SLCO5A1: variants seen among roughly 807,000 people sequenced by gnomAD.
The protein encoded by SLCO5A1 is solute carrier organic anion transporter family member 5A1.
Under a neutral mutation model 65.1 loss-of-function variants are expected in SLCO5A1, and 39 were observed. The observed-to-expected ratio is 0.60, with a 90% confidence interval of 0.46 to 0.78. SLCO5A1 has a LOEUF of 0.78. Ranked by LOEUF, SLCO5A1 falls within the 30% of genes least tolerant of loss-of-function variation. The probability of loss-of-function intolerance (pLI) is 0.00; values close to 1 mark genes in which losing one functional copy is unlikely to be tolerated. For synonymous variants in SLCO5A1, 438 were observed against 415.7 expected, an observed-to-expected ratio of 1.05 and a Z score of -0.65; for missense variants, 1,029 against 1,069.4, an observed-to-expected ratio of 0.96 and a Z score of 0.53.
At chr8:69,783,647 A>G (rs542893201) in intron 2 of SLCO5A1, among the ~76,000 whole-genome samples, 2 of 152,242 alleles carry the variant, frequency 1.3e-5, no homozygotes, top group Admixed American at 6.5e-5. Flanking sequence ...TCTGGTTGTC[A>G]GATAATTGGA....
chr8:69,735,929 T>C (rs1331880386), intron 5 of SLCO5A1, among the ~76,000 whole-genome samples: 2 of 152,284 alleles, frequency 1.3e-5, no homozygotes, highest in East Asian at 1.9e-4. Context: ...TCTTAATCAA[T>C]CTTAATATCT....
chr8:69,747,767 C>T (rs780072153), intron 4 of SLCO5A1, among the ~76,000 whole-genome samples: 3 of 152,074 alleles, frequency 2.0e-5, no homozygotes, highest in South Asian at 2.1e-4. Flanking sequence ...CCTTCTGGTG[C>T]GTCAAAAAGC....
chr8:69,776,249 GTGAT>G (rs1818545848), intron 2 of SLCO5A1, among the ~76,000 whole-genome samples: 1 of 152,034 alleles, frequency 6.6e-6, no homozygotes, highest in Non-Finnish European at 1.5e-5. Context: ...TAATAATAAA[GTGAT>G]TGTTAACTAA....
At chr8:69,833,798 A>C (rs1179282177) in intron 1 of SLCO5A1, 1 of 152,212 alleles carries the variant, frequency 6.6e-6, no homozygotes, top group African/African-American at 2.4e-5. Context: ...TCCCAACACC[A>C]AAAATAACCC....
chr8:69,761,668 T>G (rs1334959230), intron 3 of SLCO5A1, 75 bp downstream of exon 3: 2 of 1,525,840 alleles, frequency 1.3e-6, no homozygotes, highest in East Asian at 2.3e-5. Context: ...TGGAAAAATT[T>G]TAAATACAAG....
intron 2 of SLCO5A1, among the ~76,000 whole-genome samples, chr8:69,772,716 C>T (rs138129730): frequency 5.9e-5 from 9 of 152,014 alleles, no homozygotes; most frequent in South Asian, 4.2e-4. Flanking sequence ...CCTCCCTGGA[C>T]GTGGGAAACT....
At chr8:69,724,615 C>T (rs186509314) in intron 5 of SLCO5A1, among the ~76,000 whole-genome samples, 4 of 152,254 alleles carry the variant, frequency 2.6e-5, no homozygotes, top group East Asian at 1.9e-4. Flanking sequence ...CATTGTGAGA[C>T]GGTTCAGCAA....
rs1016493288 is a variant in SLCO5A1, at chr8:69,761,738, C to G, written c.1040+5G>C. ...GAAATTTAAAAATTAGAAAACAGAA[C>G]TTACCAGTTTCCAATGAAACGAGGG... is the stretch of plus-strand genomic sequence containing the variant. On this transcript the variant is annotated splice_donor_5th_base_variant and intron_variant, in intron 3 of 9. Coordinates refer to ENST00000260126, the MANE Select transcript of SLCO5A1 (RefSeq NM_030958.3). The G allele has an allele frequency of 6.2e-7, 1 of 1,612,494 alleles. No homozygotes were observed. Among genetic ancestry groups the G allele is most frequent in the Non-Finnish European group, 8.5e-7 (1 of 1,179,706 alleles).
At chr8:69,825,254 C>A (rs576680252) in intron 2 of SLCO5A1, among the ~76,000 whole-genome samples, 3 of 152,262 alleles carry the variant, frequency 2.0e-5, no homozygotes, top group East Asian at 3.9e-4. Context: ...TCCTATTCAA[C>A]ATAGTGTTGG....
intron 2 of SLCO5A1, among the ~76,000 whole-genome samples, chr8:69,786,060 A>C (rs1819031592): frequency 6.6e-6 from 1 of 152,228 alleles, no homozygotes; most frequent in Non-Finnish European, 1.5e-5. Context: ...ATAGAGCATT[A>C]ATTCTGATGC....
chr8:69,682,825 CG>C (rs1813841642), intron 6 of SLCO5A1, among the ~76,000 whole-genome samples: 1 of 152,170 alleles, frequency 6.6e-6, no homozygotes, highest in African/African-American at 2.4e-5. Context: ...TACGTTCCTT[CG>C]ACCAAAAACT....
intron 6 of SLCO5A1, among the ~76,000 whole-genome samples, chr8:69,698,221 G>A (rs1452119843): frequency 6.6e-6 from 1 of 152,172 alleles, no homozygotes; most frequent in Non-Finnish European, 1.5e-5. Flanking sequence ...ATTTCGTGGT[G>A]TGTATATGCC....
At chr8:69,763,696 T>C (rs1037140646) in intron 2 of SLCO5A1, among the ~76,000 whole-genome samples, 3 of 151,110 alleles carry the variant, frequency 2.0e-5, no homozygotes, top group East Asian at 1.9e-4. Context: ...TTCCTTTAAT[T>C]TTTTATTTTT....
At chr8:69,752,023 G>C (rs947838214) in intron 4 of SLCO5A1, among the ~76,000 whole-genome samples, 1 of 152,184 alleles carries the variant, frequency 6.6e-6, no homozygotes, top group Non-Finnish European at 1.5e-5. Context: ...TTGGGTCCAG[G>C]AGTTCTAGAT....
At position 69,755,351 on chromosome 8, in the gene SLCO5A1, G is replaced by A. The variant is rs555907923; in HGVS notation, c.1258+73C>T. Reference sequence around the variant, plus strand: ...GCCACAGACAGTGGGTAGACAGCATGGGCCTGGGACCACACTATGAGTAGC... The same window carrying A: ...GCCACAGACAGTGGGTAGACAGCATAGGCCTGGGACCACACTATGAGTAGC... On this transcript the variant is annotated intron_variant, in intron 4 of 9. Transcript: ENST00000260126. 6 of 1,259,602 alleles carry A rather than the reference G, an allele frequency of 4.8e-6. No homozygotes were observed. In the African/African-American group the frequency reaches 7.4e-5, roughly 16 times the overall value. 78.0% of individuals were successfully genotyped at this position (1,259,602 alleles called of 1,614,324 possible). A position where few individuals can be genotyped will look rare whatever the true frequency, so the allele number is the denominator to read the frequency against.
chr8:69,684,311 G>A (rs1813918216), intron 6 of SLCO5A1, among the ~76,000 whole-genome samples: 2 of 152,150 alleles, frequency 1.3e-5, no homozygotes, highest in Non-Finnish European at 2.9e-5. Flanking sequence ...GGCATCTAAT[G>A]GGCCAGTAGT....
chr8:69,832,076 C>T lies in SLCO5A1; in HGVS notation c.598G>A (p.Val200Met), dbSNP rs770056180. Residue 200 changes from valine (V) to methionine (M), a missense_variant, in exon 2 of 10, where the codon GTG becomes ATG. Transcript: ENST00000260126. This position sits in a 1 kb window ranked among gnomAD's most constrained non-coding sequence, Gnocchi z 4.5. ...CCGAAGGCGATGAGGAGTCCACCCA[C>T]GGCCAGCCACAGGGGCCGCCGACCC... is the stretch of plus-strand genomic sequence containing the variant. ...GRGRRPLWLAVGGLLIAFGAA... is the reference protein window; with the variant it reads ...GRGRRPLWLAMGGLLIAFGAA... The T allele has an allele frequency of 6.2e-6, 10 of 1,613,464 alleles. No individual in the cohort carries two copies. The highest frequency in any genetic ancestry group is 8.5e-6 in the Non-Finnish European group (10 of 1,179,932).
chr8:69,820,657 C>T (rs1820592880), intron 2 of SLCO5A1, among the ~76,000 whole-genome samples: 1 of 151,654 alleles, frequency 6.6e-6, no homozygotes, highest in Non-Finnish European at 1.5e-5. Context: ...CATAATGAGA[C>T]CATGTCTCTA....
chr8:69,733,900 C>T (rs1427227660), intron 5 of SLCO5A1, among the ~76,000 whole-genome samples: 1 of 152,158 alleles, frequency 6.6e-6, no homozygotes, highest in African/African-American at 2.4e-5. Context: ...AGGGGTCGTC[C>T]CATCATTTCA....
Sources: gnomAD v4.1 joint callset for allele counts (sites outside exome capture counted in the v4.1 genomes callset) on GRCh38, gnomAD v4.1.1 for gene constraint, Gnocchi (gnomAD v3.1) non-coding constraint, MANE v1.5 for transcripts, NCBI Gene and HGNC (gene_info 2026-07-23, HGNC 2026-07-21) for gene names.